Variants in SDC1 observed in about 807,000 individuals in gnomAD.
The protein encoded by SDC1 is syndecan 1.
SDC1 carries 14 observed loss-of-function variants against 29.7 expected under a neutral mutation model. That is an observed-to-expected ratio of 0.47 (90% confidence interval 0.31 to 0.74). The LOEUF (loss-of-function observed/expected upper bound fraction) is 0.74. Among genes scored for constraint, SDC1 ranks in the 30% least tolerant of loss-of-function variants. The probability of loss-of-function intolerance (pLI) is 0.05; values close to 1 mark genes in which losing one functional copy is unlikely to be tolerated. For synonymous variants in SDC1, 204 were observed against 175.5 expected (o/e 1.16, Z -1.29); for missense variants, 406 against 400.3 (o/e 1.01, Z -0.12).
At position 20,200,909 on chromosome 2, in the gene SDC1, C is replaced by T. The variant is rs1676981015; in HGVS notation, c.*1857G>A. ...AGCATGGTCAGCCGACCCCTTTCCC[C>T]ACCCCCGAGTCATGTGCAGTCATAC... On this transcript the variant is annotated 3_prime_UTR_variant, in exon 5 of 5. Coordinates refer to ENST00000254351, the MANE Select transcript of SDC1 (RefSeq NM_002997.5). The T allele has an allele frequency of 6.6e-6, 1 of 152,354 alleles. No homozygotes were observed. The highest frequency in any genetic ancestry group is 2.1e-4 in the South Asian group (1 of 4,824). The allele number at this position is 152,354 out of a possible 1,614,324, so 9.4% of individuals were successfully genotyped here. A position where few individuals can be genotyped will look rare whatever the true frequency, so the allele number is the denominator to read the frequency against.
At position 20,201,450 on chromosome 2, in the gene SDC1, C is replaced by T. The variant is rs1677006059; in HGVS notation, c.*1316G>A. The stretch of plus-strand genomic sequence containing the variant: ...TTTGCAGAAAAGTCCGGTCACGTCA[C>T]ACACAGCACAGAGGCAAGAAGCGAA... On this transcript the variant is annotated 3_prime_UTR_variant, in exon 5 of 5. Coordinates refer to ENST00000254351, the MANE Select transcript of SDC1 (RefSeq NM_002997.5). 6.6e-6 allele frequency: 1 copy of T among 152,584 alleles called. No homozygotes were observed. The highest frequency in any genetic ancestry group is 6.5e-5 in the Admixed American group (1 of 15,290). The allele number at this position is 152,584 out of a possible 1,614,324, so 9.5% of individuals were successfully genotyped here.
chr2:20,216,530 A>G (rs200221246), intron 1 of SDC1, among the ~76,000 whole-genome samples: 1 of 152,188 alleles, frequency 6.6e-6, no homozygotes, highest in East Asian at 1.9e-4. Flanking sequence ...CGCCTGGAAC[A>G]CTACAGATAA....
At chr2:20,213,331 G>A (rs1677532725) in intron 1 of SDC1, among the ~76,000 whole-genome samples, 1 of 152,218 alleles carries the variant, frequency 6.6e-6, no homozygotes, top group Admixed American at 6.5e-5. Flanking sequence ...CCAGGCAGGC[G>A]ATGAGCAAAG....
chr2:20,208,396 C>T (rs1015621776), intron 1 of SDC1, among the ~76,000 whole-genome samples: 6 of 152,254 alleles, frequency 3.9e-5, no homozygotes, highest in African/African-American at 1.4e-4. Context: ...AAACCAGCTC[C>T]CTGGCCTCCG....
Position 20,200,944 on chromosome 2 carries a change from AG to A in SDC1, c.*1821del, listed in dbSNP as rs1454832465. On this transcript the variant is annotated 3_prime_UTR_variant, in exon 5 of 5. Coordinates refer to ENST00000254351, the MANE Select transcript of SDC1 (RefSeq NM_002997.5). ...TCATGTGCAGTCATACACTCCAGGCAGAAAGTCGCAGTATCGAATACCGGAC... is the reference window on the plus strand; with the variant it reads ...TCATGTGCAGTCATACACTCCAGGCAAAAGTCGCAGTATCGAATACCGGAC... The A allele has an allele frequency of 6.6e-6, 1 of 152,260 alleles. No homozygotes were observed. Among genetic ancestry groups the A allele is most frequent in the Non-Finnish European group, 1.5e-5 (1 of 68,066 alleles). 9.4% of individuals were successfully genotyped at this position (152,260 alleles called of 1,614,324 possible).
At chr2:20,208,221 C>T (rs931666876) in intron 1 of SDC1, 5 of 559,700 alleles carry the variant, frequency 8.9e-6, no homozygotes, top group African/African-American at 2.0e-5. Context: ...GCCAGGGAGG[C>T]CCCAACACGT....
chr2:20,216,654 C>T lies in SDC1; in HGVS notation c.66+8148G>A, dbSNP rs114985383. 7.4e-3 allele frequency among the ~76,000 whole-genome samples: 1,131 copies of T among 152,316 alleles called. 19 individuals are homozygous for T. The highest frequency in any genetic ancestry group is 0.026 in the African/African-American group (1,090 of 41,556). On this transcript the variant is annotated intron_variant, in intron 1 of 4. Coordinates refer to ENST00000254351, the MANE Select transcript of SDC1 (RefSeq NM_002997.5). The stretch of plus-strand genomic sequence containing the variant: ...ATCAAGTCCCCAACCAGGTAAGGTC[C>T]CTGGAGCATCAGCGGCCACCACTGG...
chr2:20,219,836 A>G (rs1677757285), intron 1 of SDC1, among the ~76,000 whole-genome samples: 1 of 152,212 alleles, frequency 6.6e-6, no homozygotes, highest in Non-Finnish European at 1.5e-5. Flanking sequence ...CCCCACCCCC[A>G]GCAGGACCTG....
At chr2:20,208,853 T>C (rs1013070420) in intron 1 of SDC1, among the ~76,000 whole-genome samples, 3 of 152,180 alleles carry the variant, frequency 2.0e-5, no homozygotes, top group African/African-American at 7.2e-5. Flanking sequence ...AAACCAACTG[T>C]TCATAGAACG....
chr2:20,211,059 C>T (rs975078786), intron 1 of SDC1, among the ~76,000 whole-genome samples: 5 of 152,182 alleles, frequency 3.3e-5, no homozygotes, highest in Non-Finnish European at 2.9e-5. Flanking sequence ...GAGCCCCAGC[C>T]TTTACCCCCA....
intron 1 of SDC1, among the ~76,000 whole-genome samples, chr2:20,210,456 A>C (rs1290346877): frequency 6.6e-6 from 1 of 152,240 alleles, no homozygotes; most frequent in Admixed American, 6.5e-5. Context: ...TAAGGGGACT[A>C]CTAAGGCCAG....
rs1175240809 is a variant in SDC1 at position 20,224,434 on chromosome 2, C to A, written c.66+368G>T. Among the ~76,000 whole-genome samples the A allele has an allele frequency of 6.6e-6, 1 of 151,562 alleles. No homozygotes were observed. Among genetic ancestry groups the A allele is most frequent in the South Asian group, 2.1e-4 (1 of 4,828 alleles). ...GGCGTTGTGGCCGCGGTCACTGCATCCCCCCGGGTCACCGACGGGGGCCCG... is the reference window on the plus strand; with the variant it reads ...GGCGTTGTGGCCGCGGTCACTGCATACCCCCGGGTCACCGACGGGGGCCCG... On this transcript the variant is annotated intron_variant, in intron 1 of 4. Transcript: ENST00000254351. This position sits in a 1 kb window ranked among gnomAD's most constrained non-coding sequence, Gnocchi z 4.9.
Position 20,203,674 on chromosome 2 carries a change from T to C in SDC1, c.627+139A>G. The C allele has an allele frequency of 1.0e-5, 7 of 690,604 alleles. No individual in the cohort carries two copies. The South Asian group carries it at 1.3e-4, about 13-fold the overall frequency. 42.8% of individuals were successfully genotyped at this position (690,604 alleles called of 1,614,324 possible). A position where few individuals can be genotyped will look rare whatever the true frequency, so the allele number is the denominator to read the frequency against. ...CCTGCTCTGGGCGAGGCCCTGGGGGTAGGGGAAGGCGGGCCCCTGTGCCCT... is the reference window on the plus strand; with the variant it reads ...CCTGCTCTGGGCGAGGCCCTGGGGGCAGGGGAAGGCGGGCCCCTGTGCCCT... On this transcript the variant is annotated intron_variant, in intron 3 of 4. Coordinates refer to ENST00000254351, the MANE Select transcript of SDC1 (RefSeq NM_002997.5).
Position 20,202,883 on chromosome 2 carries a change from A to G in SDC1, c.816T>C (p.Gly272=). 6.2e-7 allele frequency: 1 copy of G among 1,613,728 alleles called. No homozygotes were observed. The highest frequency in any genetic ancestry group is 8.5e-7 in the Non-Finnish European group (1 of 1,179,876). ...VGLIFAVCLV[G]FMLYRMKKKD... Reference sequence around the variant, plus strand: ...TCTTCTTCATGCGGTACAGCATGAAACCCACCAGGCACACAGCAAAGATGA... The same window carrying G: ...TCTTCTTCATGCGGTACAGCATGAAGCCCACCAGGCACACAGCAAAGATGA... Residue 272 remains glycine, a synonymous_variant, in exon 5 of 5, where the codon GGT becomes GGC. Coordinates refer to ENST00000254351, the MANE Select transcript of SDC1 (RefSeq NM_002997.5).
intron 3 of SDC1, among the ~76,000 whole-genome samples, chr2:20,203,543 C>G (rs139577937): frequency 2.6e-5 from 4 of 152,224 alleles, no homozygotes; most frequent in African/African-American, 9.6e-5. Context: ...CTTGGTATAA[C>G]GTTCACTCTT....
At chr2:20,219,136 G>C (rs1450698216) in intron 1 of SDC1, among the ~76,000 whole-genome samples, 1 of 152,030 alleles carries the variant, frequency 6.6e-6, no homozygotes, top group African/African-American at 2.4e-5. Context: ...CAAGACCCAA[G>C]ATTTCCCACG....
At chr2:20,208,532 CCT>C (rs1677357038) in intron 1 of SDC1, among the ~76,000 whole-genome samples, 1 of 152,212 alleles carries the variant, frequency 6.6e-6, no homozygotes, top group Non-Finnish European at 1.5e-5. Flanking sequence ...ATTTCAGCCC[CCT>C]GAGGAGGAAA....
chr2:20,203,513 C>G (rs1412030746), intron 3 of SDC1, among the ~76,000 whole-genome samples: 8 of 152,228 alleles, frequency 5.3e-5, no homozygotes, highest in Admixed American at 5.2e-4. Context: ...TCCCACGAAG[C>G]TATAAAATAA....
Position 20,204,311 on chromosome 2 carries a change from G to A in SDC1, c.149-20C>T. 1.3e-6 allele frequency: 2 copies of A among 1,514,226 alleles called. No homozygotes were observed. Among genetic ancestry groups the A allele is most frequent in the Non-Finnish European group, 1.8e-6 (2 of 1,110,744 alleles). The allele number at this position is 1,514,226 out of a possible 1,614,324, so 93.8% of individuals were successfully genotyped here. ...AAGCACCTGCAGGACCAGAAGCAGAGTGTGTTGGGGAGGTGGGGGGTGGGG... is the reference window on the plus strand; with the variant it reads ...AAGCACCTGCAGGACCAGAAGCAGAATGTGTTGGGGAGGTGGGGGGTGGGG... On this transcript the variant is annotated intron_variant, in intron 2 of 4. Transcript: ENST00000254351.
Sources: gnomAD v4.1 joint callset for allele counts (sites outside exome capture counted in the v4.1 genomes callset) on GRCh38, gnomAD v4.1.1 for gene constraint, Gnocchi (gnomAD v3.1) non-coding constraint, MANE v1.5 for transcripts, NCBI Gene and HGNC (gene_info 2026-07-23, HGNC 2026-07-21) for gene names.